The following KLHDC1 variants were observed in gnomAD, a reference collection of about 807,000 sequenced individuals.
KLHDC1 encodes kelch domain containing 1.
KLHDC1 carries 53 observed loss-of-function variants against 68.3 expected under a neutral mutation model. The ratio of observed to expected loss-of-function variants is 0.78; its 90% CI spans 0.62 to 0.98. The LOEUF (loss-of-function observed/expected upper bound fraction) is 0.98, where lower values mean the gene tolerates loss of function less well. KLHDC1 is among the 50% of genes least tolerant of loss of function. The pLI, the probability that KLHDC1 is intolerant of heterozygous loss-of-function variation, is 0.00. For missense variants in KLHDC1, 470 were observed against 492.3 expected, an observed-to-expected ratio of 0.95 and a Z score of 0.43; for synonymous variants, 148 against 159.0, an observed-to-expected ratio of 0.93 and a Z score of 0.52.
At chr14:49,716,187 T>C (rs1888372201) in intron 4 of KLHDC1, among the ~76,000 whole-genome samples, 1 of 152,196 alleles carries the variant, frequency 6.6e-6, no homozygotes, top group Admixed American at 6.5e-5. Flanking sequence ...TTTGAATGCT[T>C]ATGGCAATGA....
chr14:49,743,882 A>G lies in KLHDC1; in HGVS notation c.1034+77A>G, dbSNP rs1014692395. 217 of 857,754 alleles carry G rather than the reference A, an allele frequency of 2.5e-4. 2 individuals carry two copies. Among genetic ancestry groups the G allele is most frequent in the East Asian group, 5.4e-5 (2 of 37,374 alleles). 53.1% of individuals were successfully genotyped at this position (857,754 alleles called of 1,614,324 possible). A position where few individuals can be genotyped will look rare whatever the true frequency, so the allele number is the denominator to read the frequency against. Reference sequence around the variant, plus strand: ...CTTTCTCATTTTTGGGAAGCATTGAAATATTTTTCAGGTTGCTTATGACAT... The same window carrying G: ...CTTTCTCATTTTTGGGAAGCATTGAGATATTTTTCAGGTTGCTTATGACAT... On this transcript the variant is annotated intron_variant, in intron 12 of 12. Coordinates refer to ENST00000359332, the MANE Select transcript of KLHDC1 (RefSeq NM_172193.3).
chr14:49,720,081 G>C (rs1262926704), intron 4 of KLHDC1, among the ~76,000 whole-genome samples: 1 of 151,814 alleles, frequency 6.6e-6, no homozygotes, highest in Admixed American at 6.6e-5. Flanking sequence ...CCACCTCCCA[G>C]GTTCAAGCAA....
chr14:49,717,806 G>A (rs956669334), intron 4 of KLHDC1, among the ~76,000 whole-genome samples: 1 of 151,968 alleles, frequency 6.6e-6, no homozygotes, highest in Non-Finnish European at 1.5e-5. Context: ...TCTTTCTTGG[G>A]AGCGTTTTGA....
At position 49,751,617 on chromosome 14, in the gene KLHDC1, A is replaced by G. The variant is rs2139774364; in HGVS notation, c.1066A>G (p.Ile356Val). 7.6e-6 allele frequency: 12 copies of G among 1,581,554 alleles called. No individual in the cohort carries two copies. Among genetic ancestry groups the G allele is most frequent in the Non-Finnish European group, 8.6e-6 (10 of 1,162,732 alleles). The change falls in exon 13 of 13, where the codon ATC becomes GTC. Residue 356 changes from isoleucine (I) to valine (V), a missense_variant. By Grantham distance (29) the Ile-to-Val change is conservative (BLOSUM62 3). Coordinates refer to ENST00000359332, the MANE Select transcript of KLHDC1 (RefSeq NM_172193.3). Reference protein sequence around the residue: ...SCLDCIGKNSIMLESQISLLP... With the variant: ...SCLDCIGKNSVMLESQISLLP... ...CCTTGACTGCATTGGTAAAAATTCTATCATGTTAGAAAGTCAGATATCTTT... is the reference window on the plus strand; with the variant it reads ...CCTTGACTGCATTGGTAAAAATTCTGTCATGTTAGAAAGTCAGATATCTTT...
chr14:49,740,063 C>T, intron 10 of KLHDC1, 35 bp from the exon 11 acceptor site: 1 of 1,173,426 alleles, frequency 8.5e-7, no homozygotes, highest in South Asian at 1.3e-5. Flanking sequence ...TCTCCCATGA[C>T]AGTGTTTCAC....
intron 4 of KLHDC1, among the ~76,000 whole-genome samples, chr14:49,717,067 A>G (rs1158305779): frequency 6.6e-6 from 1 of 152,204 alleles, no homozygotes; most frequent in Non-Finnish European, 1.5e-5. Flanking sequence ...ATGGCTGAGT[A>G]ATATTCCACT....
At chr14:49,693,512 G>A (rs531169358) in intron 1 of KLHDC1, among the ~76,000 whole-genome samples, 1 of 151,628 alleles carries the variant, frequency 6.6e-6, no homozygotes, top group African/African-American at 2.4e-5. Flanking sequence ...ACCCGGCTCC[G>A]GGCCTCTTAC....
At chr14:49,729,395 G>T in intron 7 of KLHDC1, 95 bp from the exon 8 acceptor site, 1 of 762,500 alleles carries the variant, frequency 1.3e-6, no homozygotes, top group Non-Finnish European at 2.3e-6. Flanking sequence ...GTAAAATAGA[G>T]ATAGTCTATT....
rs1393806816 is a variant in KLHDC1, at chr14:49,740,112, C to G, written c.911C>G (p.Ala304Gly). 6.2e-6 allele frequency: 10 copies of G among 1,608,754 alleles called. No individual in the cohort carries two copies. The highest frequency in any genetic ancestry group is 8.5e-6 in the Non-Finnish European group (10 of 1,175,692). ...TTCAATCATAGGTTATGGCACACAG[C>G]CTGTTTGGGAAAAGAAAATGAAATA... ...PKTRPRLWHT[A>G]CLGKENEIMV... The change falls in exon 11 of 13, where the codon GCC (alanine) becomes GGC (glycine). Residue 304 changes from alanine to glycine, a missense_variant. Physicochemically the swap from Ala to Gly is moderately conservative, Grantham distance 60. Transcript: ENST00000359332.
rs1566602771 is a variant in KLHDC1 at position 49,713,819 on chromosome 14, TATATATATATATATATATATATATATA to T, written c.404+3439_404+3465del. ...GGAGGTATATATATATATATATATA[TATATATATATATATATATATATATATA>T]TATATTTTTTTTTTTTTTTTTCCTG... On this transcript the variant is annotated intron_variant, in intron 4 of 12. Transcript: ENST00000359332. Among the ~76,000 whole-genome samples, 17 of 2,810 alleles carry T rather than the reference TATATATATATATATATATATATATATA, an allele frequency of 6.0e-3. 1 individual carries two copies. The highest frequency in any genetic ancestry group is 0.01 in the South Asian group (1 of 98). The allele number at this position is 2,810 out of a possible 152,430, so 1.8% of individuals were successfully genotyped here.
intron 4 of KLHDC1, among the ~76,000 whole-genome samples, chr14:49,714,655 C>T (rs1273087345): frequency 1.3e-5 from 2 of 151,786 alleles, no homozygotes; most frequent in African/African-American, 4.8e-5. Flanking sequence ...GCATGCTATG[C>T]ACCTGTGGTC....
chr14:49,731,330 C>T (rs1888803245), intron 8 of KLHDC1, among the ~76,000 whole-genome samples: 1 of 152,190 alleles, frequency 6.6e-6, no homozygotes, highest in East Asian at 1.9e-4. Flanking sequence ...AAAATATTTC[C>T]GTTTTGTAAA....
chr14:49,711,014 A>G (rs1888183598), intron 4 of KLHDC1, among the ~76,000 whole-genome samples: 1 of 25,802 alleles, frequency 3.9e-5, no homozygotes, highest in Admixed American at 6.5e-4. Flanking sequence ...GTTTTTTTGG[A>G]AATGGAGTCT....
At chr14:49,699,737 T>C (rs554860333) in intron 1 of KLHDC1, among the ~76,000 whole-genome samples, 1 of 152,308 alleles carries the variant, frequency 6.6e-6, no homozygotes, top group East Asian at 1.9e-4. Flanking sequence ...TATCTGAAAA[T>C]AGGCACCCCC....
chr14:49,693,534 C>T (rs1251272142), intron 1 of KLHDC1, among the ~76,000 whole-genome samples: 1 of 151,742 alleles, frequency 6.6e-6, no homozygotes, highest in Non-Finnish European at 1.5e-5. Context: ...ACTCTCCGCC[C>T]CTCTTTGCCA....
rs1057292484 is a variant in KLHDC1 at position 49,729,396 on chromosome 14, A to G, written c.652-94A>G. On this transcript the variant is annotated intron_variant, in intron 7 of 12. Coordinates refer to ENST00000359332, the MANE Select transcript of KLHDC1 (RefSeq NM_172193.3). ...ACATCTTATGTGAAGTAAAATAGAG[A>G]TAGTCTATTTTTAATCTGAACTTAC... 20 of 764,202 alleles carry G rather than the reference A, an allele frequency of 2.6e-5. No homozygotes were observed. In the Admixed American group the frequency reaches 3.2e-4, roughly 12 times the overall value. 47.3% of individuals were successfully genotyped at this position (764,202 alleles called of 1,614,324 possible).
At chr14:49,697,058 T>G (rs1887764867) in intron 1 of KLHDC1, among the ~76,000 whole-genome samples, 1 of 152,074 alleles carries the variant, frequency 6.6e-6, no homozygotes, top group Non-Finnish European at 1.5e-5. Context: ...TGCTTCAGCC[T>G]CCCGAGAAGC....
At chr14:49,713,844 A>ATTTTTTTTTTTTTTTTTTTTTT (rs1888293520) in intron 4 of KLHDC1, among the ~76,000 whole-genome samples, 1 of 35,600 alleles carries the variant, frequency 2.8e-5, no homozygotes, top group African/African-American at 1.1e-4. Context: ...ATATATATAT[A>ATTTTTTTTTTTTTTTTTTTTTT]TATATATTTT....
chr14:49,710,993 G>C (rs1415385022), intron 4 of KLHDC1, among the ~76,000 whole-genome samples: 1 of 142,290 alleles, frequency 7.0e-6, no homozygotes, highest in African/African-American at 2.6e-5. Flanking sequence ...AATTTTTTTT[G>C]TTTGTTTTTT....
Sources: allele counts gnomAD v4.1 joint callset (sites outside exome capture counted in the v4.1 genomes callset), GRCh38; gene constraint gnomAD v4.1.1; transcripts MANE v1.5; gene names NCBI Gene and HGNC (gene_info 2026-07-23, HGNC 2026-07-21).